Variants in MEGF8 observed in about 807,000 individuals in gnomAD.
The protein encoded by MEGF8 is multiple EGF like domains 8.
Under a neutral mutation model 302.9 loss-of-function variants are expected in MEGF8, and 156 were observed. The ratio of observed to expected loss-of-function variants is 0.52; its 90% CI spans 0.45 to 0.59. The LOEUF (loss-of-function observed/expected upper bound fraction) is 0.59. Ranked by LOEUF, MEGF8 falls within the 20% of genes least tolerant of loss-of-function variation. The pLI, the probability that MEGF8 is intolerant of heterozygous loss-of-function variation, is 0.00. For synonymous variants in MEGF8, 1,621 were observed against 1,660.5 expected, an observed-to-expected ratio of 0.98 and a Z score of 0.58; for missense variants, 3,345 against 3,964.5, an observed-to-expected ratio of 0.84 and a Z score of 4.20.
In MEGF8 at chr19:42,359,206, G is replaced by C. The variant is rs1458856147; in HGVS notation, c.5452G>C (p.Val1818Leu). ...CAGCAGCGACGTTCTGCTCTACCAG[G>C]TCAACTGCAATGCCTGGCTTCTGCC... ...EFSSDVLLYQ[V>L]NCNAWLLPDL... is the part of the protein sequence containing the mutation. The change falls in exon 31 of 42, where the codon GTC becomes CTC. Residue 1818 changes from valine (V) to leucine (L), a missense_variant. Physicochemically the swap from Val to Leu is conservative, Grantham distance 32. Transcript: ENST00000251268. 6.3e-7 allele frequency: 1 copy of C among 1,595,944 alleles called. No individual in the cohort carries two copies. The highest frequency in any genetic ancestry group is 8.5e-7 in the Non-Finnish European group (1 of 1,171,450).
At chr19:42,364,653 T>G (rs1439127506) in intron 35 of MEGF8, among the ~76,000 whole-genome samples, 1 of 152,134 alleles carries the variant, frequency 6.6e-6, no homozygotes, top group Admixed American at 6.5e-5. Flanking sequence ...GTACATTAGC[T>G]CTCACCCGGA....
intron 12 of MEGF8, 134 bp from the exon 13 acceptor site, chr19:42,348,138 C>A: frequency 1.2e-6 from 1 of 815,028 alleles, no homozygotes; most frequent in Middle Eastern, 2.3e-4. Flanking sequence ...AGCCACCTAA[C>A]CCCTGTCCCT....
intron 13 of MEGF8, 96 bp from the exon 14 acceptor site, chr19:42,349,403 G>C: frequency 2.8e-6 from 3 of 1,077,296 alleles, no homozygotes; most frequent in Non-Finnish European, 4.0e-6. Flanking sequence ...TTCTTAGGAG[G>C]GGGTGGGGTA....
intron 1 of MEGF8, 84 bp downstream of exon 1, chr19:42,326,514 C>T: frequency 6.9e-7 from 1 of 1,455,570 alleles, no homozygotes. Flanking sequence ...ATTCCCAGAG[C>T]TCGGTTCTGG....
intron 8 of MEGF8, among the ~76,000 whole-genome samples, chr19:42,337,598 C>G (rs906635572): frequency 4.6e-5 from 7 of 151,520 alleles, no homozygotes; most frequent in Non-Finnish European, 7.4e-5. Context: ...CTCCACCCCC[C>G]GGGTTTCACG....
chr19:42,370,968 G>A, intron 40 of MEGF8, 137 bp downstream of exon 40: 3 of 591,066 alleles, frequency 5.1e-6, no homozygotes, highest in East Asian at 5.7e-5. Context: ...GACATCCCCA[G>A]GGAGCGCCCA....
rs1372739024 is a variant in MEGF8 at position 42,344,752 on chromosome 19, G to A, written c.2016G>A (p.Glu672=). ...CGCCTGTCTTCGTCACGTCCCTGGA[G>A]GCCTGCGTCACCCAGAGCTTCCTGC... The part of the protein sequence containing the change: ...GPAPVFVTSL[E]ACVTQSFLPG... Residue 672 remains glutamate (E), a synonymous_variant, in exon 12 of 42, where the codon GAG becomes GAA. Coordinates refer to ENST00000251268, the MANE Select transcript of MEGF8 (RefSeq NM_001271938.2). This position sits in a 1 kb window ranked among gnomAD's most constrained non-coding sequence, Gnocchi z 4.5. The A allele has an allele frequency of 3.7e-6, 6 of 1,612,330 alleles. No individual in the cohort carries two copies. In the African/African-American group the frequency reaches 5.3e-5, roughly 14 times the overall value.
chr19:42,343,415 G>A lies in MEGF8; in HGVS notation c.1514-62G>A, dbSNP rs1028441956. 2.3e-4 allele frequency: 354 copies of A among 1,512,136 alleles called. 1 individual carries two copies. Among genetic ancestry groups the A allele is most frequent in the Middle Eastern group, 1.8e-4 (1 of 5,414 alleles). 93.7% of individuals were successfully genotyped at this position (1,512,136 alleles called of 1,614,324 possible). ...GGGCTGTGGCCCAGGAGAATCAGGAGCCATGGAGGTGGTGGAGGGGCTGGG... is the reference window on the plus strand; with the variant it reads ...GGGCTGTGGCCCAGGAGAATCAGGAACCATGGAGGTGGTGGAGGGGCTGGG... On this transcript the variant is annotated intron_variant, in intron 8 of 41. Transcript: ENST00000251268.
At chr19:42,364,212 G>A (rs1325052641) in intron 35 of MEGF8, among the ~76,000 whole-genome samples, 2 of 152,126 alleles carry the variant, frequency 1.3e-5, no homozygotes, top group African/African-American at 2.4e-5. Context: ...ATGCTCTCTT[G>A]TTTCCAGAAA....
chr19:42,336,798 C>T lies in MEGF8; in HGVS notation c.1245-9C>T, dbSNP rs201190341. 57 of 1,574,230 alleles carry T rather than the reference C, an allele frequency of 3.6e-5. No homozygotes were observed. Among genetic ancestry groups the T allele is most frequent in the Middle Eastern group, 1.7e-4 (1 of 5,886 alleles). On this transcript the variant is annotated splice_polypyrimidine_tract_variant and intron_variant, in intron 6 of 41. Transcript: ENST00000251268. The surrounding 1 kb of genome is among the most constrained non-coding windows in gnomAD (Gnocchi z 4.8). The stretch of plus-strand genomic sequence containing the variant: ...GCCCTGAGCCCCTGCCCTGCTTCTC[C>T]TTCGGTAGGTTCTCTGTGCGAGTGA...
chr19:42,350,352 G>A lies in MEGF8; in HGVS notation c.2704G>A (p.Glu902Lys), dbSNP rs773870498. Residue 902 changes from glutamate to lysine, a missense_variant, in exon 15 of 42, where the codon GAG (glutamate) becomes AAG (lysine). Glu to Lys is a moderately conservative substitution (Grantham distance 56). Transcript: ENST00000251268. Reference protein sequence around the residue: ...VLVPTLCPLCEEHRDCHACTQ... With the variant: ...VLVPTLCPLCKEHRDCHACTQ... ...GGTGCCTACCCTCTGCCCACTCTGC[G>A]AGGAGCATCGGGACTGCCACGCCTG... is the stretch of plus-strand genomic sequence containing the variant. 1.1e-5 allele frequency: 17 copies of A among 1,595,362 alleles called. No individual in the cohort carries two copies. Among genetic ancestry groups the A allele is most frequent in the African/African-American group, 1.3e-5 (1 of 74,876 alleles).
chr19:42,361,954 T>TG (rs1185541328), intron 32 of MEGF8, 136 bp from the exon 33 acceptor site: 8 of 1,335,090 alleles, frequency 6.0e-6, no homozygotes, highest in Non-Finnish European at 8.1e-6. Context: ...CAAATGGTGG[T>TG]GGGGACAGCC....
Position 42,368,720 on chromosome 19 carries a change from A to C in MEGF8, c.6481+58A>C. On this transcript the variant is annotated intron_variant, in intron 36 of 41. Coordinates refer to ENST00000251268, the MANE Select transcript of MEGF8 (RefSeq NM_001271938.2). This position sits in a 1 kb window ranked among gnomAD's most constrained non-coding sequence, Gnocchi z 4.9. ...CTGGCCCTTGGTTGGGGTCTGATAC[A>C]GTGAACATAGGGATACTGGGCCAGA... The C allele has an allele frequency of 6.5e-7, 1 of 1,541,040 alleles. No homozygotes were observed. Among genetic ancestry groups the C allele is most frequent in the Non-Finnish European group, 8.7e-7 (1 of 1,145,408 alleles).
Position 42,367,228 on chromosome 19 carries a change from G to A in MEGF8, c.6274-1227G>A, listed in dbSNP as rs117582424. The stretch of plus-strand genomic sequence containing the variant: ...GGACTCTTCAGGTTCTCAGTGTGGG[G>A]TAAGAGAAGCCTTTTTGCCTCAGCA... On this transcript the variant is annotated intron_variant, in intron 35 of 41. Coordinates refer to ENST00000251268, the MANE Select transcript of MEGF8 (RefSeq NM_001271938.2). Among the ~76,000 whole-genome samples, 702 of 152,034 alleles carry A rather than the reference G, an allele frequency of 4.6e-3. 2 individuals carry two copies. Among genetic ancestry groups the A allele is most frequent in the Non-Finnish European group, 7.8e-3 (529 of 67,986 alleles).
At position 42,362,520 on chromosome 19, in the gene MEGF8, C is replaced by T. The variant is rs1246408795; in HGVS notation, c.5981C>T (p.Ala1994Val). 3.7e-6 allele frequency: 6 copies of T among 1,613,694 alleles called. No individual in the cohort carries two copies. The highest frequency in any genetic ancestry group is 5.1e-6 in the Non-Finnish European group (6 of 1,179,900). ...TTCTGGGCAGGGAACTGCTCCGAGG[C>T]TGCGTGCGGGGCTGCTGACTGCGAG... ...EVFWAGNCSE[A>V]ACGAADCEQC... The change falls in exon 34 of 42, where the codon GCT becomes GTT. Residue 1994 changes from alanine (A) to valine (V), a missense_variant. Transcript: ENST00000251268.
rs751222342 is a variant in MEGF8 at position 42,336,282 on chromosome 19, A to G, written c.1180A>G (p.Met394Val). 6.2e-7 allele frequency: 1 copy of G among 1,608,226 alleles called. No individual in the cohort carries two copies. Among genetic ancestry groups the G allele is most frequent in the African/African-American group, 1.3e-5 (1 of 75,016 alleles). ...GRPPAATGHS[M>V]VFHAPSRALL... Reference sequence around the variant, plus strand: ...GCCCCCTGCTGCCACTGGCCACTCCATGGTGTTCCATGCCCCCTCCCGTGC... The same window carrying G: ...GCCCCCTGCTGCCACTGGCCACTCCGTGGTGTTCCATGCCCCCTCCCGTGC... The change falls in exon 6 of 42, where the codon ATG (methionine) becomes GTG (valine). Residue 394 changes from methionine (M) to valine (V), a missense_variant. By Grantham distance (21) the Met-to-Val change is conservative. Coordinates refer to ENST00000251268, the MANE Select transcript of MEGF8 (RefSeq NM_001271938.2). This position sits in a 1 kb window ranked among gnomAD's most constrained non-coding sequence, Gnocchi z 4.8.
chr19:42,372,141 C>A (rs906336067), intron 41 of MEGF8, among the ~76,000 whole-genome samples: 1 of 152,062 alleles, frequency 6.6e-6, no homozygotes, highest in Admixed American at 6.6e-5. Context: ...AACTGAGGGT[C>A]TGGGGTCTGC....
intron 35 of MEGF8, among the ~76,000 whole-genome samples, chr19:42,364,746 GT>G (rs1355499026): frequency 6.6e-6 from 1 of 152,228 alleles, no homozygotes; most frequent in Admixed American, 6.5e-5. Context: ...CTTCCTGGCT[GT>G]TTGACTTTGG....
rs1399018117 is a variant in MEGF8 at position 42,357,705 on chromosome 19, C to T, written c.5011+121C>T. 7.7e-6 allele frequency: 7 copies of T among 906,374 alleles called. No individual in the cohort carries two copies. Among genetic ancestry groups the T allele is most frequent in the Non-Finnish European group, 1.1e-5 (7 of 612,344 alleles). The allele number at this position is 906,374 out of a possible 1,614,324, so 56.1% of individuals were successfully genotyped here. ...CCTGTCTCCCTCTCTTTCCCATCCC[C>T]ATGCAGATTCTCAGGGCACCCTCTT... On this transcript the variant is annotated intron_variant, in intron 28 of 41. Coordinates refer to ENST00000251268, the MANE Select transcript of MEGF8 (RefSeq NM_001271938.2). The surrounding 1 kb of genome is among the most constrained non-coding windows in gnomAD (Gnocchi z 5.2).
Sources: allele counts gnomAD v4.1 joint callset (sites outside exome capture counted in the v4.1 genomes callset), GRCh38; gene constraint gnomAD v4.1.1; non-coding constraint Gnocchi (gnomAD v3.1); transcripts MANE v1.5; gene names NCBI Gene and HGNC (gene_info 2026-07-23, HGNC 2026-07-21).